ZNF43: variants seen among roughly 807,000 people sequenced by gnomAD.
ZNF43 encodes zinc finger protein 39-like 1 (KOX 27).
A neutral mutation model predicts 68.4 loss-of-function variants in ZNF43; 44 were observed. That is an observed-to-expected ratio of 0.64 (90% confidence interval 0.51 to 0.83). The LOEUF is 0.83. Ranked by LOEUF, ZNF43 falls within the 40% of genes least tolerant of loss-of-function variation. ZNF43 has a pLI of 0.00. For missense variants in ZNF43, 896 were observed against 933.2 expected (o/e 0.96, Z 0.52); for synonymous variants, 308 against 307.8 (o/e 1.00, Z -0.01).
chr19:21,851,801 G>A (rs1016816900), intron 1 of ZNF43: 6 of 1,290,658 alleles, frequency 4.6e-6, no homozygotes, highest in African/African-American at 1.5e-5. Context: ...CTGGGGCGGA[G>A]CTGCGCCAGC....
upstream of ZNF43, among the ~76,000 whole-genome samples, chr19:21,838,643 G>A (rs913549403): frequency 3.3e-5 from 5 of 151,990 alleles, no homozygotes; most frequent in South Asian, 2.1e-4. Flanking sequence ...CAGGTGATTC[G>A]CCCGCCTTGG....
chr19:21,816,623 G>A (rs2037540570), intron 3 of ZNF43, among the ~76,000 whole-genome samples: 1 of 152,084 alleles, frequency 6.6e-6, no homozygotes, highest in Non-Finnish European at 1.5e-5. Context: ...AGTGATGCAG[G>A]CCTTTACTGT....
intron 1 of ZNF43, among the ~76,000 whole-genome samples, chr19:21,822,297 A>G (rs2037888248): frequency 6.7e-6 from 1 of 149,116 alleles, no homozygotes; most frequent in African/African-American, 2.5e-5. Context: ...GTGCAAAGTA[A>G]AACTTAACTC....
At chr19:21,817,840 T>C (rs1204191042) in intron 3 of ZNF43, 48 bp downstream of exon 3, 2 of 1,560,250 alleles carry the variant, frequency 1.3e-6, no homozygotes, top group South Asian at 1.1e-5. Context: ...CCCTTAACCT[T>C]TGGACTTCTC....
At chr19:21,821,518 A>T (rs2145236659) in intron 1 of ZNF43, among the ~76,000 whole-genome samples, 1 of 152,222 alleles carries the variant, frequency 6.6e-6, no homozygotes, top group African/African-American at 2.4e-5. Context: ...TTCTGCATAG[A>T]GCTAATAAAA....
At chr19:21,849,296 C>T (rs1968170666) in intron 1 of ZNF43, among the ~76,000 whole-genome samples, 1 of 151,876 alleles carries the variant, frequency 6.6e-6, no homozygotes, top group African/African-American at 2.4e-5. Flanking sequence ...CTAGACTAGC[C>T]TGACCAACAC....
At chr19:21,841,965 G>A (rs887810915) in intron 1 of ZNF43, among the ~76,000 whole-genome samples, 1 of 152,182 alleles carries the variant, frequency 6.6e-6, no homozygotes, top group African/African-American at 2.4e-5. Flanking sequence ...CAACAACTAG[G>A]TGATGTGACT....
rs1190556515 is a variant in ZNF43 at position 21,804,986 on chromosome 19, TC to T, written c.*2620del. On this transcript the variant is annotated 3_prime_UTR_variant, in exon 4 of 4. Coordinates refer to ENST00000354959, the MANE Select transcript of ZNF43 (RefSeq NM_003423.4). ...GGAATGTATGGACTTTATTTATACT[TC>T]TATATAATTTTTATAATTAAAATGA... is the stretch of plus-strand genomic sequence containing the variant. 6 of 152,282 alleles carry T rather than the reference TC, an allele frequency of 3.9e-5. No individual in the cohort carries two copies. Among genetic ancestry groups the T allele is most frequent in the African/African-American group, 9.6e-5 (4 of 41,556 alleles). The allele number at this position is 152,282 out of a possible 1,614,324, so 9.4% of individuals were successfully genotyped here. A position where few individuals can be genotyped will look rare whatever the true frequency, so the allele number is the denominator to read the frequency against.
intron 1 of ZNF43, among the ~76,000 whole-genome samples, chr19:21,825,611 T>C (rs1475072873): frequency 6.7e-6 from 1 of 150,172 alleles, no homozygotes; most frequent in Non-Finnish European, 1.5e-5. Flanking sequence ...AGGTTTCACC[T>C]ACACAGTTTA....
chr19:21,832,384 T>C (rs1346127127), intron 1 of ZNF43, among the ~76,000 whole-genome samples: 2 of 151,782 alleles, frequency 1.3e-5, no homozygotes, highest in African/African-American at 4.8e-5. Flanking sequence ...CAACTCAAAG[T>C]GAATTAAAGT....
intron 3 of ZNF43, among the ~76,000 whole-genome samples, 169 bp downstream of exon 3, chr19:21,817,719 A>G (rs1359646139): frequency 6.6e-6 from 1 of 152,234 alleles, no homozygotes; most frequent in Non-Finnish European, 1.5e-5. Context: ...ATGTAAAAGC[A>G]TAAGACAGAA....
In ZNF43 at chr19:21,804,965, T is replaced by G. The variant is rs371694133; in HGVS notation, c.*2642A>C. The G allele has an allele frequency of 6.6e-6, 1 of 152,182 alleles. No individual in the cohort carries two copies. Among genetic ancestry groups the G allele is most frequent in the Non-Finnish European group, 1.5e-5 (1 of 68,026 alleles). The allele number at this position is 152,182 out of a possible 1,614,324, so 9.4% of individuals were successfully genotyped here. On this transcript the variant is annotated 3_prime_UTR_variant, in exon 4 of 4. Coordinates refer to ENST00000354959, the MANE Select transcript of ZNF43 (RefSeq NM_003423.4). ...CCAATGTTTATTCATGACTCAGGAA[T>G]GTATGGACTTTATTTATACTTCTAT... is the stretch of plus-strand genomic sequence containing the variant.
chr19:21,823,343 C>A (rs1322038123), intron 1 of ZNF43, among the ~76,000 whole-genome samples: 1 of 152,090 alleles, frequency 6.6e-6, no homozygotes, highest in Non-Finnish European at 1.5e-5. Context: ...TACAAGAAAA[C>A]TGCAAAAACT....
exon 1 of ZNF43, chr19:21,852,014 G>A: frequency 6.8e-7 from 1 of 1,472,090 alleles, no homozygotes; most frequent in South Asian, 1.2e-5. Context: ...TCCCGAGTTG[G>A]AGAACGCGGA....
At chr19:21,838,412 T>C (rs972141228), upstream of ZNF43, among the ~76,000 whole-genome samples, 24 of 152,014 alleles carry the variant, frequency 1.6e-4, no homozygotes, top group South Asian at 4.6e-3. Context: ...TTTTTTTTTT[T>C]TTTTGGAGAT....
chr19:21,820,113 C>T (rs551436954), intron 1 of ZNF43, among the ~76,000 whole-genome samples: 22 of 137,692 alleles, frequency 1.6e-4, no homozygotes, highest in Non-Finnish European at 2.0e-4. Flanking sequence ...GCAAGAGAAT[C>T]GCTTGAACCC....
chr19:21,848,677 G>A (rs1968128932), intron 1 of ZNF43, among the ~76,000 whole-genome samples: 1 of 152,150 alleles, frequency 6.6e-6, no homozygotes, highest in African/African-American at 2.4e-5. Context: ...AATCACTCAG[G>A]TGCTGGCCAA....
intron 1 of ZNF43, among the ~76,000 whole-genome samples, chr19:21,832,016 G>A (rs1032309101): frequency 1.3e-5 from 2 of 152,062 alleles, no homozygotes; most frequent in African/African-American, 2.4e-5. Context: ...CATTCTTAAC[G>A]GGACTAAAAA....
At chr19:21,833,352 G>A (rs779050338) in intron 1 of ZNF43, among the ~76,000 whole-genome samples, 2 of 151,926 alleles carry the variant, frequency 1.3e-5, no homozygotes, top group East Asian at 1.9e-4. Context: ...CTGCAACCTC[G>A]GCCTCCCAGG....
Sources: allele counts gnomAD v4.1 joint callset (sites outside exome capture counted in the v4.1 genomes callset), GRCh38; gene constraint gnomAD v4.1.1; transcripts MANE v1.5; gene names NCBI Gene and HGNC (gene_info 2026-07-23, HGNC 2026-07-21).